PIK3CB: variants seen among roughly 807,000 people sequenced by gnomAD.
PIK3CB encodes the protein phosphatidylinositol 4,5-bisphosphate 3-kinase catalytic subunit beta isoform.
PIK3CB carries 39 observed loss-of-function variants against 136.8 expected under a neutral mutation model. That is an observed-to-expected ratio of 0.29 (90% CI 0.22 to 0.37). The LOEUF (loss-of-function observed/expected upper bound fraction) is 0.37. Ranked by LOEUF, PIK3CB falls within the 10% of genes least tolerant of loss-of-function variation. The pLI, the probability that PIK3CB is intolerant of heterozygous loss-of-function variation, is 1.00. For synonymous variants in PIK3CB, 428 were observed against 436.6 expected, an observed-to-expected ratio of 0.98 and a Z score of 0.25; for missense variants, 868 against 1,275.4, an observed-to-expected ratio of 0.68 and a Z score of 4.87.
chr3:138,675,307 C>A (rs532688356), intron 19 of PIK3CB, among the ~76,000 whole-genome samples: 18 of 151,894 alleles, frequency 1.2e-4, no homozygotes, highest in African/African-American at 4.3e-4. Flanking sequence ...AAGAACAGAG[C>A]CTTAGAGACC....
intron 4 of PIK3CB, among the ~76,000 whole-genome samples, chr3:138,747,963 G>A (rs1264363751): frequency 6.6e-6 from 1 of 152,010 alleles, no homozygotes; most frequent in Non-Finnish European, 1.5e-5. Context: ...AAATCTAAAA[G>A]AATGAATCAA....
intron 19 of PIK3CB, among the ~76,000 whole-genome samples, chr3:138,667,865 G>A (rs929286987): frequency 1.3e-5 from 2 of 151,844 alleles, no homozygotes; most frequent in African/African-American, 2.4e-5. Context: ...TCAGGGGTTC[G>A]AGACCAGCCT....
intron 1 of PIK3CB, among the ~76,000 whole-genome samples, chr3:138,828,386 G>C (rs1224656997): frequency 1.3e-5 from 2 of 151,412 alleles, no homozygotes; most frequent in South Asian, 2.1e-4. Flanking sequence ...GGGTTTTCAC[G>C]GTGTTAGCCA....
At chr3:138,795,638 AAAAT>A (rs869092091) in intron 2 of PIK3CB, among the ~76,000 whole-genome samples, 30 of 152,328 alleles carry the variant, frequency 2.0e-4, no homozygotes, top group African/African-American at 6.7e-4. Context: ...CAAAAAAACA[AAAAT>A]AAAAATAATT....
In PIK3CB at chr3:138,665,169, G is replaced by C. The variant is rs759151757; in HGVS notation, c.2539C>G (p.Arg847Gly). 1 of 1,607,474 alleles carries C rather than the reference G, an allele frequency of 6.2e-7. No individual in the cohort carries two copies. Among genetic ancestry groups the C allele is most frequent in the South Asian group, 1.1e-5 (1 of 89,392 alleles). Residue 847 changes from arginine to glycine, a missense_variant, in exon 20 of 24, where the codon CGC (arginine) becomes GGC (glycine). By Grantham distance (125) the Arg-to-Gly change is moderately radical (BLOSUM62 -2). Coordinates refer to ENST00000674063, the MANE Select transcript of PIK3CB (RefSeq NM_006219.3). ...CTCACAACTTCAATGAGGCCAGAGC[G>C]ATCTCCTGTTGCTAAACAGCCATAA... is the stretch of plus-strand genomic sequence containing the variant. Reference protein sequence around the residue: ...LPYGCLATGDRSGLIEVVSTS... With the variant: ...LPYGCLATGDGSGLIEVVSTS...
Position 138,682,057 on chromosome 3 carries a change from C to T in PIK3CB, c.2426-12G>A. Reference sequence around the variant, plus strand: ...ATCCTGTCGTAAATCTAAGGGAAAACAAACTGCTTCATTACAAGTGCTTTT... The same window carrying T: ...ATCCTGTCGTAAATCTAAGGGAAAATAAACTGCTTCATTACAAGTGCTTTT... On this transcript the variant is annotated splice_polypyrimidine_tract_variant and intron_variant, in intron 18 of 23. Coordinates refer to ENST00000674063, the MANE Select transcript of PIK3CB (RefSeq NM_006219.3). 6.4e-7 allele frequency: 1 copy of T among 1,564,570 alleles called. No individual in the cohort carries two copies. Among genetic ancestry groups the T allele is most frequent in the Admixed American group, 1.7e-5 (1 of 58,130 alleles).
chr3:138,767,180 C>T (rs368603904), intron 2 of PIK3CB, among the ~76,000 whole-genome samples: 6 of 151,974 alleles, frequency 3.9e-5, no homozygotes, highest in South Asian at 2.1e-4. Context: ...AAAGAAAAAA[C>T]GAAACCAAAA....
intron 1 of PIK3CB, among the ~76,000 whole-genome samples, chr3:138,824,604 A>T (rs1044152858): frequency 3.3e-5 from 5 of 151,938 alleles, no homozygotes; most frequent in South Asian, 4.2e-4. Flanking sequence ...AGACCAGGAG[A>T]ATCACTTGAA....
At chr3:138,800,623 CTAT>C (rs761281453) in intron 1 of PIK3CB, among the ~76,000 whole-genome samples, 1 of 151,608 alleles carries the variant, frequency 6.6e-6, no homozygotes, top group Non-Finnish European at 1.5e-5. Flanking sequence ...AGCTACAACT[CTAT>C]TATTATTATT....
At chr3:138,662,878 T>C (rs1404867923) in intron 21 of PIK3CB, among the ~76,000 whole-genome samples, 1 of 152,240 alleles carries the variant, frequency 6.6e-6, no homozygotes, top group Non-Finnish European at 1.5e-5. Context: ...ATGAGCATTT[T>C]TTCATGTGTC....
chr3:138,828,531 C>G (rs971365162), intron 1 of PIK3CB, among the ~76,000 whole-genome samples: 2 of 151,942 alleles, frequency 1.3e-5, no homozygotes, highest in African/African-American at 4.8e-5. Context: ...TGAAAATACT[C>G]CAGGGAAGAC....
intron 1 of PIK3CB, chr3:138,825,409 G>T: frequency 1.5e-6 from 1 of 653,544 alleles, no homozygotes; most frequent in Non-Finnish European, 2.7e-6. Flanking sequence ...TAACAAAATG[G>T]ATTCCACTGA....
chr3:138,656,042 G>T, intron 23 of PIK3CB, 100 bp downstream of exon 23: 2 of 1,202,890 alleles, frequency 1.7e-6, no homozygotes, highest in African/African-American at 1.5e-5. Flanking sequence ...TAGAGGAAAT[G>T]ACTTTGTTCT....
intron 2 of PIK3CB, among the ~76,000 whole-genome samples, chr3:138,794,573 G>C (rs1276933572): frequency 6.6e-6 from 1 of 152,150 alleles, no homozygotes; most frequent in Non-Finnish European, 1.5e-5. Context: ...GATTGATAAA[G>C]GGGATGCATC....
chr3:138,763,309 T>C (rs2045688108), intron 2 of PIK3CB, among the ~76,000 whole-genome samples: 1 of 152,090 alleles, frequency 6.6e-6, no homozygotes, highest in Non-Finnish European at 1.5e-5. Context: ...CGGCTAATTT[T>C]TGTATTTTTA....
At chr3:138,808,305 A>C (rs1163799195) in intron 1 of PIK3CB, among the ~76,000 whole-genome samples, 4 of 152,176 alleles carry the variant, frequency 2.6e-5, no homozygotes, top group Non-Finnish European at 5.9e-5. Context: ...GAAGTGCAAA[A>C]AACAACCTCT....
intron 2 of PIK3CB, among the ~76,000 whole-genome samples, chr3:138,794,863 A>G (rs140518068): frequency 3.9e-4 from 60 of 152,268 alleles, no homozygotes; most frequent in African/African-American, 1.4e-3. Flanking sequence ...CAACCTATGC[A>G]TATCTTCTTG....
intron 19 of PIK3CB, among the ~76,000 whole-genome samples, chr3:138,673,706 C>T (rs892539946): frequency 7.3e-5 from 11 of 151,706 alleles, no homozygotes; most frequent in Admixed American, 3.9e-4. Flanking sequence ...TACACACACA[C>T]ATACACACAC....
At chr3:138,769,891 A>T (rs1243878465) in intron 2 of PIK3CB, among the ~76,000 whole-genome samples, 1 of 152,238 alleles carries the variant, frequency 6.6e-6, no homozygotes, top group African/African-American at 2.4e-5. Flanking sequence ...TTTAAAGATA[A>T]GAAAACTAAA....
Sources: gnomAD v4.1 joint callset for allele counts (sites outside exome capture counted in the v4.1 genomes callset) on GRCh38, gnomAD v4.1.1 for gene constraint, MANE v1.5 for transcripts, NCBI Gene and HGNC (gene_info 2026-07-23, HGNC 2026-07-21) for gene names.